Variants in NEO1 observed in about 807,000 individuals in gnomAD.
NEO1 encodes neogenin.
NEO1 carries 63 observed loss-of-function variants against 159.7 expected under a neutral mutation model. The ratio of observed to expected loss-of-function variants is 0.39; its 90% confidence interval spans 0.32 to 0.49. The LOEUF (loss-of-function observed/expected upper bound fraction) is 0.49. Ranked by LOEUF, NEO1 falls within the 20% of genes least tolerant of loss-of-function variation. The probability of loss-of-function intolerance (pLI) is 0.85; values close to 1 mark genes in which losing one functional copy is unlikely to be tolerated. For synonymous variants in NEO1, 633 were observed against 662.0 expected (o/e 0.96, Z 0.67); for missense variants, 1,615 against 1,831.0 (o/e 0.88, Z 2.15).
At chr15:73,066,391 C>G (rs967039878) in intron 1 of NEO1, among the ~76,000 whole-genome samples, 1 of 132,482 alleles carries the variant, frequency 7.5e-6, no homozygotes, top group African/African-American at 2.8e-5. Flanking sequence ...TGTTTTTATT[C>G]CTTTAACCCA....
intron 8 of NEO1, among the ~76,000 whole-genome samples, chr15:73,241,564 C>A (rs939262269): frequency 6.6e-6 from 1 of 152,180 alleles, no homozygotes; most frequent in African/African-American, 2.4e-5. Flanking sequence ...GTGACTTTTC[C>A]TCACAAGCTA....
chr15:73,110,161 G>A (rs1188051728), intron 1 of NEO1, among the ~76,000 whole-genome samples: 1 of 152,176 alleles, frequency 6.6e-6, no homozygotes, highest in African/African-American at 2.4e-5. Flanking sequence ...CAAGATGGAT[G>A]AAATGTAGGA....
At chr15:73,272,006 C>A (rs2041195664) in intron 18 of NEO1, among the ~76,000 whole-genome samples, 1 of 151,920 alleles carries the variant, frequency 6.6e-6, no homozygotes, top group Non-Finnish European at 1.5e-5. Flanking sequence ...ACAAAATAAT[C>A]CAGTGTGACA....
At chr15:73,054,446 T>G (rs1304216202) in intron 1 of NEO1, among the ~76,000 whole-genome samples, 1 of 152,220 alleles carries the variant, frequency 6.6e-6, no homozygotes, top group Non-Finnish European at 1.5e-5. Context: ...GCTCTCTGCC[T>G]TCATGGAGTT....
At chr15:73,164,728 T>C (rs2034453405) in intron 5 of NEO1, among the ~76,000 whole-genome samples, 1 of 152,220 alleles carries the variant, frequency 6.6e-6, no homozygotes, top group Non-Finnish European at 1.5e-5. Context: ...TGTACAAGGA[T>C]GCATATTATA....
At chr15:73,179,861 A>ATG (rs1268634465) in intron 7 of NEO1, among the ~76,000 whole-genome samples, 21 of 113,186 alleles carry the variant, frequency 1.9e-4, no homozygotes, top group East Asian at 4.5e-4. Context: ...ATTAAATAAT[A>ATG]TGTATATATA....
In NEO1 at chr15:73,059,008, T is replaced by TA. The variant is rs568901235; in HGVS notation, c.130+6204dup. ...GATATGATTGGAAAATCGTCTATGTTACTTGCAAATGATTGTATATGATTT... is the reference window on the plus strand; with the variant it reads ...GATATGATTGGAAAATCGTCTATGTTAACTTGCAAATGATTGTATATGATTT... On this transcript the variant is annotated intron_variant, in intron 1 of 28. Transcript: ENST00000261908. Among the ~76,000 whole-genome samples, 496 of 152,326 alleles carry TA rather than the reference T, an allele frequency of 3.3e-3. 5 individuals are homozygous for TA. The highest frequency in any genetic ancestry group is 0.012 in the African/African-American group (487 of 41,582).
intron 22 of NEO1, among the ~76,000 whole-genome samples, chr15:73,280,031 T>C (rs988792372): frequency 6.6e-6 from 1 of 152,242 alleles, no homozygotes; most frequent in East Asian, 1.9e-4. Context: ...ACTGGTACAC[T>C]ATGACATCCA....
At chr15:73,236,533 T>A (rs746725875) in intron 8 of NEO1, 27 bp downstream of exon 8, 55 of 1,603,720 alleles carry the variant, frequency 3.4e-5, no homozygotes, top group Non-Finnish European at 4.4e-5. Context: ...CTGCAGCCAG[T>A]TGGCTGCCTC....
At chr15:73,193,786 C>G (rs551751942) in intron 7 of NEO1, among the ~76,000 whole-genome samples, 33 of 151,784 alleles carry the variant, frequency 2.2e-4, no homozygotes, top group Admixed American at 8.5e-4. Context: ...AATTATAATG[C>G]AAGCTGTGCT....
At position 73,116,710 on chromosome 15, in the gene NEO1, C is replaced by T. The variant is rs764841972; in HGVS notation, c.301C>T (p.Arg101Cys). 13 of 1,613,804 alleles carry T rather than the reference C, an allele frequency of 8.1e-6. No individual in the cohort carries two copies. Among genetic ancestry groups the T allele is most frequent in the African/African-American group, 1.3e-5 (1 of 74,880 alleles). Residue 101 changes from arginine (R) to cysteine (C), a missense_variant, in exon 2 of 29, where the codon CGC becomes TGC. By Grantham distance (180) the Arg-to-Cys change is radical. Coordinates refer to ENST00000261908, the MANE Select transcript of NEO1 (RefSeq NM_002499.4). Reference protein sequence around the residue: ...TFLNLVSDDRRQLLPDGSLFI... With the variant: ...TFLNLVSDDRCQLLPDGSLFI... ...TTTAAACTTAGTATCAGATGATCGACGCCAGCTTCTCCCGGATGGATCTTT... is the reference window on the plus strand; with the variant it reads ...TTTAAACTTAGTATCAGATGATCGATGCCAGCTTCTCCCGGATGGATCTTT...
At chr15:73,154,118 G>A (rs756710950) in intron 5 of NEO1, among the ~76,000 whole-genome samples, 8 of 151,738 alleles carry the variant, frequency 5.3e-5, no homozygotes, top group Non-Finnish European at 1.0e-4. Context: ...TCCTTTTAAG[G>A]AAAATTGATT....
chr15:73,055,779 G>C (rs932881360), intron 1 of NEO1, among the ~76,000 whole-genome samples: 1 of 152,086 alleles, frequency 6.6e-6, no homozygotes, highest in Non-Finnish European at 1.5e-5. Context: ...GGATTGCATG[G>C]ATTTGTCTTC....
intron 5 of NEO1, among the ~76,000 whole-genome samples, chr15:73,156,900 A>C (rs1438089898): frequency 6.6e-6 from 1 of 152,112 alleles, no homozygotes; most frequent in East Asian, 1.9e-4. Flanking sequence ...GGCAGTTCTC[A>C]GGCCCCTGGT....
intron 7 of NEO1, among the ~76,000 whole-genome samples, chr15:73,203,312 T>C (rs1204457308): frequency 1.3e-5 from 2 of 152,168 alleles, no homozygotes; most frequent in African/African-American, 4.8e-5. Context: ...GCTATCCTAG[T>C]GGGTGTAAAG....
chr15:73,159,499 G>A lies in NEO1; in HGVS notation c.1016-16904G>A, dbSNP rs893174858. Among the ~76,000 whole-genome samples, 5 of 151,736 alleles carry A rather than the reference G, an allele frequency of 3.3e-5. No individual in the cohort carries two copies. The East Asian group carries it at 9.7e-4, about 29-fold the overall frequency. On this transcript the variant is annotated intron_variant, in intron 5 of 28. Transcript: ENST00000261908. ...GTCTTCCTATACTGAGACAGTTTAG[G>A]TATACACAAAAGTTTTGGCGAAAAC...
At chr15:73,178,229 A>T in intron 6 of NEO1, 78 bp from the exon 7 acceptor site, 1 of 1,387,090 alleles carries the variant, frequency 7.2e-7, no homozygotes, top group Middle Eastern at 2.5e-4. Flanking sequence ...TTTCCTCTCC[A>T]AAAAGCATAT....
At chr15:73,067,292 C>T (rs1471809018) in intron 1 of NEO1, among the ~76,000 whole-genome samples, 1 of 152,124 alleles carries the variant, frequency 6.6e-6, no homozygotes, top group South Asian at 2.1e-4. Context: ...ATTTGTTTCT[C>T]TCTCTCTGTA....
In NEO1 at chr15:73,282,942, T is replaced by G. The variant is rs1404900647; in HGVS notation, c.3263-22T>G. On this transcript the variant is annotated intron_variant, in intron 22 of 28. Transcript: ENST00000261908. ...TTTTAAATTCTCTAACCCTAACACA[T>G]GTACCATTTCTCTCTCTGCAGGCAG... The G allele has an allele frequency of 2.5e-6, 4 of 1,611,600 alleles. No individual in the cohort carries two copies. The South Asian group carries it at 3.3e-5, about 13-fold the overall frequency.
Sources: gnomAD v4.1 joint callset for allele counts (sites outside exome capture counted in the v4.1 genomes callset) on GRCh38, gnomAD v4.1.1 for gene constraint, MANE v1.5 for transcripts, NCBI Gene and HGNC (gene_info 2026-07-23, HGNC 2026-07-21) for gene names.